The following RNF145 variants were observed in gnomAD, a reference collection of about 807,000 sequenced individuals.
RNF145 encodes ring finger protein 145.
Under a neutral mutation model 57.3 loss-of-function variants are expected in RNF145, and 12 were observed. That is an observed-to-expected ratio of 0.21 (90% CI 0.13 to 0.34). The LOEUF (loss-of-function observed/expected upper bound fraction) is 0.34. RNF145 is among the 10% of genes least tolerant of loss of function. RNF145 has a pLI of 1.00. For synonymous variants in RNF145, 262 were observed against 288.3 expected (o/e 0.91, Z 0.92); for missense variants, 429 against 799.0 (o/e 0.54, Z 5.58).
chr5:159,173,505 T>G (rs1017847410), intron 6 of RNF145, among the ~76,000 whole-genome samples: 7 of 152,182 alleles, frequency 4.6e-5, no homozygotes, highest in African/African-American at 1.7e-4. Flanking sequence ...TCTGCTTCTT[T>G]TGGCAGTGTT....
chr5:159,158,798 T>C lies in RNF145; in HGVS notation c.1864A>G (p.Ile622Val). 1 of 1,613,968 alleles carries C rather than the reference T, an allele frequency of 6.2e-7. No homozygotes were observed. Among genetic ancestry groups the C allele is most frequent in the Non-Finnish European group, 8.5e-7 (1 of 1,179,868 alleles). The change falls in exon 11 of 11, where the codon ATA (isoleucine) becomes GTA (valine). Residue 622 changes from isoleucine (I) to valine (V), a missense_variant. Physicochemically the swap from Ile to Val is conservative, Grantham distance 29. Around this residue, in one of 4 missense-constraint regions of RNF145, gnomAD observed 102 missense variants for 106.2 expected, o/e 0.96. Transcript: ENST00000424310. ...TTATTGTCCCTGGAACCTTCCTGTA[T>C]CCTGGTCCCTGGAGTATGCTCCTGG... ...PGQEHTPGTRIQEGSRDNNEY... is the reference protein window; with the variant it reads ...PGQEHTPGTRVQEGSRDNNEY...
chr5:159,201,184 A>G (rs771810836), intron 2 of RNF145, among the ~76,000 whole-genome samples: 1 of 152,226 alleles, frequency 6.6e-6, no homozygotes, highest in Non-Finnish European at 1.5e-5. Flanking sequence ...ACCCACGTAT[A>G]CAGAGGGCCA....
At chr5:159,166,362 TATTA>T (rs1338749163) in intron 8 of RNF145, among the ~76,000 whole-genome samples, 1 of 152,238 alleles carries the variant, frequency 6.6e-6, no homozygotes, top group Non-Finnish European at 1.5e-5. Context: ...TTAATTCTAA[TATTA>T]ATCATTAAAT....
intron 8 of RNF145, among the ~76,000 whole-genome samples, chr5:159,166,254 T>C (rs1784390556): frequency 1.3e-5 from 2 of 152,210 alleles, no homozygotes; most frequent in African/African-American, 4.8e-5. Flanking sequence ...TTTGTCCCTT[T>C]CTCTTACTGA....
chr5:159,175,681 T>A (rs924065595), intron 5 of RNF145, among the ~76,000 whole-genome samples: 3 of 152,158 alleles, frequency 2.0e-5, no homozygotes, highest in African/African-American at 7.2e-5. Context: ...CTGGGAAAAC[T>A]GCCCAAGTTA....
At position 159,158,367 on chromosome 5, in the gene RNF145, T is replaced by C. The variant is rs1309317493; in HGVS notation, c.*303A>G. The C allele has an allele frequency of 6.0e-6, 2 of 335,404 alleles. No homozygotes were observed. Among genetic ancestry groups the C allele is most frequent in the Non-Finnish European group, 1.1e-5 (2 of 178,660 alleles). The allele number at this position is 335,404 out of a possible 1,614,324, so 20.8% of individuals were successfully genotyped here. On this transcript the variant is annotated 3_prime_UTR_variant, in exon 11 of 11. Coordinates refer to ENST00000424310, the MANE Select transcript of RNF145 (RefSeq NM_001199383.2). ...CACTCAAAATCTGATTTTATTTCTCTCTCACACGTATCAGGGGCAGTTTCT... is the reference window on the plus strand; with the variant it reads ...CACTCAAAATCTGATTTTATTTCTCCCTCACACGTATCAGGGGCAGTTTCT...
chr5:159,183,341 A>G (rs1366862359), intron 3 of RNF145, among the ~76,000 whole-genome samples: 1 of 152,142 alleles, frequency 6.6e-6, no homozygotes, highest in African/African-American at 2.4e-5. Flanking sequence ...GGTTGTCACA[A>G]TTGGGGAGAG....
chr5:159,203,984 A>G (rs1287758626), intron 1 of RNF145, among the ~76,000 whole-genome samples: 1 of 152,224 alleles, frequency 6.6e-6, no homozygotes, highest in Non-Finnish European at 1.5e-5. Context: ...TTAACTTGAA[A>G]AATTCACTCA....
At chr5:159,166,465 T>C (rs1185430040) in intron 8 of RNF145, among the ~76,000 whole-genome samples, 2 of 152,246 alleles carry the variant, frequency 1.3e-5, no homozygotes, top group Non-Finnish European at 2.9e-5. Flanking sequence ...TACTCAAAAA[T>C]ATACTAATCT....
Position 159,203,674 on chromosome 5 carries a change from C to T in RNF145, c.-39-18G>A. 6.6e-7 allele frequency: 1 copy of T among 1,510,892 alleles called. No homozygotes were observed. The highest frequency in any genetic ancestry group is 2.3e-5 in the East Asian group (1 of 44,318). 93.6% of individuals were successfully genotyped at this position (1,510,892 alleles called of 1,614,324 possible). A position where few individuals can be genotyped will look rare whatever the true frequency, so the allele number is the denominator to read the frequency against. On this transcript the variant is annotated intron_variant, in intron 1 of 10. Coordinates refer to ENST00000424310, the MANE Select transcript of RNF145 (RefSeq NM_001199383.2). ...GAGAAGACCTAAAATTCAGAAGACA[C>T]AATATATAAAAATAAAAAGTCAACA...
At chr5:159,196,867 T>G (rs888026360) in intron 2 of RNF145, among the ~76,000 whole-genome samples, 1 of 152,186 alleles carries the variant, frequency 6.6e-6, no homozygotes, top group Non-Finnish European at 1.5e-5. Context: ...AAACTGTCAT[T>G]TTCCTTTCCA....
At chr5:159,203,383 A>G (rs1412203347) in intron 2 of RNF145, 51 bp downstream of exon 2, 1 of 1,274,160 alleles carries the variant, frequency 7.8e-7, no homozygotes, top group Non-Finnish European at 1.1e-6. Flanking sequence ...ATACTAAGAC[A>G]TAAATCAGAA....
intron 8 of RNF145, among the ~76,000 whole-genome samples, chr5:159,167,761 G>T (rs757437978): frequency 1.4e-4 from 21 of 152,264 alleles, no homozygotes; most frequent in Middle Eastern, 3.4e-3. Flanking sequence ...TCTGAAACAT[G>T]TCTAATAGTT....
At chr5:159,184,731 T>G (rs1383844869) in intron 3 of RNF145, among the ~76,000 whole-genome samples, 1 of 152,228 alleles carries the variant, frequency 6.6e-6, no homozygotes, top group Non-Finnish European at 1.5e-5. Flanking sequence ...CTATTTCATA[T>G]GGTTATTATA....
At chr5:159,205,509 A>T (rs1785845949) in intron 1 of RNF145, among the ~76,000 whole-genome samples, 1 of 152,226 alleles carries the variant, frequency 6.6e-6, no homozygotes, top group African/African-American at 2.4e-5. Flanking sequence ...AATGTGTATA[A>T]GCCATCTAGA....
At chr5:159,159,780 T>C (rs897711500) in intron 10 of RNF145, among the ~76,000 whole-genome samples, 3 of 152,200 alleles carry the variant, frequency 2.0e-5, no homozygotes, top group Non-Finnish European at 4.4e-5. Context: ...TTGCATAAGA[T>C]ATATATGAAG....
chr5:159,163,388 C>T (rs988893640), intron 8 of RNF145, among the ~76,000 whole-genome samples: 3 of 152,186 alleles, frequency 2.0e-5, no homozygotes, highest in African/African-American at 7.2e-5. Flanking sequence ...TTAACAATTT[C>T]AATAATTTTT....
At chr5:159,186,155 G>C (rs976845874) in intron 3 of RNF145, among the ~76,000 whole-genome samples, 7 of 152,026 alleles carry the variant, frequency 4.6e-5, no homozygotes, top group African/African-American at 1.7e-4. Context: ...GACCTGGTAG[G>C]GGCAGGGGTT....
intron 2 of RNF145, among the ~76,000 whole-genome samples, chr5:159,200,102 G>C (rs897366045): frequency 6.6e-6 from 1 of 152,048 alleles, no homozygotes; most frequent in Non-Finnish European, 1.5e-5. Context: ...GCCAGCCTGG[G>C]CAACACAGCA....
Sources: gnomAD v4.1 joint callset for allele counts (sites outside exome capture counted in the v4.1 genomes callset) on GRCh38, gnomAD v4.1.1 for gene constraint, gnomAD v4.1.1 regional missense constraint, MANE v1.5 for transcripts, NCBI Gene and HGNC (gene_info 2026-07-23, HGNC 2026-07-21) for gene names.